Variants in AK8 observed in about 807,000 individuals in gnomAD.
AK8 encodes the protein ATP-AMP transphosphorylase 8.
In AK8, 44 loss-of-function variants were observed where a neutral mutation model predicts 54.6. That is an observed-to-expected ratio of 0.81 (90% CI 0.63 to 1.04). The LOEUF is 1.04. AK8 is among the 50% of genes least tolerant of loss of function. AK8 has a pLI of 0.00. For synonymous variants in AK8, 239 were observed against 245.6 expected, an observed-to-expected ratio of 0.97 and a Z score of 0.25; for missense variants, 555 against 613.6, an observed-to-expected ratio of 0.90 and a Z score of 1.01.
chr9:132,774,051 T>C (rs975159319), intron 11 of AK8, among the ~76,000 whole-genome samples: 2 of 152,084 alleles, frequency 1.3e-5, no homozygotes, highest in Non-Finnish European at 2.9e-5. Flanking sequence ...ATGCTCCCCA[T>C]TTCTCCTTCT....
intron 11 of AK8, among the ~76,000 whole-genome samples, chr9:132,745,940 G>A (rs572037111): frequency 6.6e-6 from 1 of 152,280 alleles, no homozygotes; most frequent in African/African-American, 2.4e-5. Context: ...CCTCCCCAAG[G>A]AGTAAAATGA....
At chr9:132,840,406 TCACACACA>T (rs55856402) in intron 5 of AK8, among the ~76,000 whole-genome samples, 398 of 143,080 alleles carry the variant, frequency 2.8e-3, no homozygotes, top group East Asian at 0.012. Flanking sequence ...AAGTGGACAC[TCACACACA>T]CACACACACA....
At chr9:132,787,881 G>A (rs1839783469) in intron 11 of AK8, among the ~76,000 whole-genome samples, 1 of 152,080 alleles carries the variant, frequency 6.6e-6, no homozygotes, top group South Asian at 2.1e-4. Context: ...TATATAAAAG[G>A]AAGATGTGTA....
intron 10 of AK8, among the ~76,000 whole-genome samples, chr9:132,804,104 CAAAAAAAAA>C (rs200556575): frequency 0.42 from 39,247 of 93,492 alleles, 5,669 homozygotes; most frequent in East Asian, 0.6. Flanking sequence ...GACTCCATCT[CAAAAAAAAA>C]AAAAAAAAAA....
intron 11 of AK8, among the ~76,000 whole-genome samples, chr9:132,753,296 C>T (rs932397488): frequency 6.6e-6 from 1 of 152,262 alleles, no homozygotes; most frequent in East Asian, 1.9e-4. Context: ...CAACCTCCAT[C>T]CTATGCTAGG....
intron 10 of AK8, among the ~76,000 whole-genome samples, chr9:132,795,732 G>C (rs13440175): frequency 2.6e-5 from 4 of 152,142 alleles, no homozygotes; most frequent in African/African-American, 9.7e-5. Context: ...CTGTCTCGGG[G>C]AGACAAACAT....
chr9:132,806,553 C>T (rs1840735355), intron 10 of AK8, among the ~76,000 whole-genome samples: 1 of 152,236 alleles, frequency 6.6e-6, no homozygotes. Flanking sequence ...CGAGGCTGCT[C>T]TGCTAAAAAC....
intron 10 of AK8, among the ~76,000 whole-genome samples, chr9:132,813,234 T>C (rs1588160239): frequency 1.3e-5 from 2 of 149,698 alleles, no homozygotes; most frequent in African/African-American, 2.5e-5. Context: ...ACACAGATCA[T>C]TGCGTCTGAC....
chr9:132,759,195 CA>C (rs11354456), intron 11 of AK8, among the ~76,000 whole-genome samples: 26,428 of 82,874 alleles, frequency 0.32, 2,042 homozygotes, highest in Middle Eastern at 0.37. Flanking sequence ...GACCTGGTCT[CA>C]AAAAAAAAAA....
chr9:132,742,407 A>C (rs1016813845), intron 11 of AK8, among the ~76,000 whole-genome samples: 4 of 152,156 alleles, frequency 2.6e-5, no homozygotes, highest in Non-Finnish European at 5.9e-5. Context: ...TTTGGGCTCA[A>C]GTAATCCACC....
intron 2 of AK8, among the ~76,000 whole-genome samples, chr9:132,873,257 A>G (rs935808963): frequency 6.6e-6 from 1 of 152,264 alleles, no homozygotes; most frequent in Non-Finnish European, 1.5e-5. Context: ...ATGATGCATC[A>G]GGGATTTCCC....
intron 11 of AK8, 28 bp from the exon 12 acceptor site, chr9:132,727,562 T>C (rs750971727): frequency 1.3e-6 from 2 of 1,593,116 alleles, no homozygotes; most frequent in South Asian, 1.1e-5. Flanking sequence ...ATATTAATAA[T>C]GGTTTTTATT....
chr9:132,793,400 T>G (rs114442958), intron 10 of AK8, among the ~76,000 whole-genome samples: 3,725 of 152,232 alleles, frequency 0.024, 150 homozygotes, highest in African/African-American at 0.085. Context: ...TGGGCCCAGT[T>G]TTTGCAGCAA....
chr9:132,812,458 C>T (rs1008499466), intron 10 of AK8, among the ~76,000 whole-genome samples: 1 of 24,790 alleles, frequency 4.0e-5, no homozygotes, highest in African/African-American at 1.3e-4. Context: ...AGGCTGGTCT[C>T]GAATTCTTGA....
rs556017155 is a variant in AK8, at chr9:132,845,638, G to A, written c.402+9219C>T. Among the ~76,000 whole-genome samples the A allele has an allele frequency of 5.3e-5, 8 of 152,198 alleles. No individual in the cohort carries two copies. In the East Asian group the frequency reaches 1.2e-3, roughly 22 times the overall value. ...TCTACTAAAAATATAAAAATTAGCCGGGCATGGTGGCATGTGCCTGTAATC... is the reference window on the plus strand; with the variant it reads ...TCTACTAAAAATATAAAAATTAGCCAGGCATGGTGGCATGTGCCTGTAATC... On this transcript the variant is annotated intron_variant, in intron 5 of 12. Transcript: ENST00000298545.
chr9:132,813,986 A>G (rs1841197178), intron 10 of AK8, among the ~76,000 whole-genome samples: 2 of 152,168 alleles, frequency 1.3e-5, no homozygotes, highest in South Asian at 4.1e-4. Flanking sequence ...CAAATAATAA[A>G]GGATGTGGGG....
intron 5 of AK8, among the ~76,000 whole-genome samples, chr9:132,836,545 T>C (rs2771991): frequency 0.2 from 30,967 of 152,132 alleles, 3,445 homozygotes; most frequent in East Asian, 0.44. Flanking sequence ...GGACTTGGGG[T>C]AGACACATTT....
At chr9:132,733,550 C>A (rs941033230) in intron 11 of AK8, among the ~76,000 whole-genome samples, 10 of 152,268 alleles carry the variant, frequency 6.6e-5, no homozygotes, top group South Asian at 2.1e-4. Context: ...ATGTGACGCA[C>A]AAGGACACCA....
At chr9:132,755,330 G>A (rs897534444) in intron 11 of AK8, among the ~76,000 whole-genome samples, 5 of 152,228 alleles carry the variant, frequency 3.3e-5, no homozygotes, top group African/African-American at 1.2e-4. Flanking sequence ...CACACCAAGA[G>A]CCACGCTGGG....
Sources: allele counts gnomAD v4.1 joint callset (sites outside exome capture counted in the v4.1 genomes callset), GRCh38; gene constraint gnomAD v4.1.1; transcripts MANE v1.5; gene names NCBI Gene and HGNC (gene_info 2026-07-23, HGNC 2026-07-21).